The following AGAP1 variants were observed in gnomAD, a reference collection of about 807,000 sequenced individuals.
AGAP1 encodes ArfGAP with GTPase domain, ankyrin repeat and PH domain 1.
Under a neutral mutation model 105.3 loss-of-function variants are expected in AGAP1, and 29 were observed. That is an observed-to-expected ratio of 0.28 (90% CI 0.21 to 0.38). The LOEUF (loss-of-function observed/expected upper bound fraction) is 0.38, where lower values mean the gene tolerates loss of function less well. Among genes scored for constraint, AGAP1 ranks in the 10% least tolerant of loss-of-function variants. AGAP1 has a pLI of 1.00. For synonymous variants in AGAP1, 509 were observed against 485.9 expected (o/e 1.05, Z -0.63); for missense variants, 998 against 1,165.1 (o/e 0.86, Z 2.09).
At chr2:235,508,901 G>C (rs1941949097) in intron 1 of AGAP1, among the ~76,000 whole-genome samples, 1 of 152,242 alleles carries the variant, frequency 6.6e-6, no homozygotes, top group African/African-American at 2.4e-5. Flanking sequence ...ACAGAGGAAG[G>C]TGGCAGAGCC....
In AGAP1 at chr2:235,724,005, G is replaced by A. The variant is rs934688618; in HGVS notation, c.310+6361G>A. Among the ~76,000 whole-genome samples, 8 of 152,166 alleles carry A rather than the reference G, an allele frequency of 5.3e-5. No individual in the cohort carries two copies. Among genetic ancestry groups the A allele is most frequent in the Non-Finnish European group, 1.2e-4 (8 of 68,034 alleles). ...GCTGCCTGCGAGGGTCAGTGGTGTC[G>A]TAGCCTGCTGCCGCCACACAGAGGG... On this transcript the variant is annotated intron_variant, in intron 3 of 17. Transcript: ENST00000304032. The surrounding 1 kb of genome is among the most constrained non-coding windows in gnomAD (Gnocchi z 4.9).
At chr2:235,773,322 C>G (rs1453283853) in intron 6 of AGAP1, among the ~76,000 whole-genome samples, 1 of 152,204 alleles carries the variant, frequency 6.6e-6, no homozygotes, top group African/African-American at 2.4e-5. Context: ...AAAGGTTACA[C>G]TTCTATGCAA....
At chr2:235,717,015 C>G (rs1242296791) in intron 2 of AGAP1, among the ~76,000 whole-genome samples, 5 of 152,146 alleles carry the variant, frequency 3.3e-5, no homozygotes. Flanking sequence ...GTGTGCCCTC[C>G]TCGCCTGTGT....
In AGAP1 at chr2:235,600,632, C is replaced by G. The variant is rs935471125; in HGVS notation, c.163+105783C>G. Among the ~76,000 whole-genome samples the G allele has an allele frequency of 1.3e-5, 2 of 152,200 alleles. No individual in the cohort carries two copies. The highest frequency in any genetic ancestry group is 4.8e-5 in the African/African-American group (2 of 41,466). On this transcript the variant is annotated intron_variant, in intron 1 of 17. Coordinates refer to ENST00000304032, the MANE Select transcript of AGAP1 (RefSeq NM_001037131.3). This position sits in a 1 kb window ranked among gnomAD's most constrained non-coding sequence, Gnocchi z 4.8. ...GGCCGAAAGCTGAAGAACTTGGAGC[C>G]TGATGTTCGAGGGCAGGAAGCATCC...
rs868858600 is a variant in AGAP1, at chr2:235,759,359, C to T, written c.673+8871C>T. ...AATTTTTTTGTATTTTTAGTAGAGA[C>T]GGGCTTTCACCGTGTTAGCCAGGAT... On this transcript the variant is annotated intron_variant, in intron 6 of 17. Transcript: ENST00000304032. Among the ~76,000 whole-genome samples the T allele has an allele frequency of 2.5e-3, 377 of 151,158 alleles. 4 individuals are homozygous for T. The highest frequency in any genetic ancestry group is 8.0e-3 in the African/African-American group (329 of 41,230).
chr2:235,702,934 G>GTTTTTGTTTTTTTTTTTTTTT (rs1950326349), intron 1 of AGAP1, among the ~76,000 whole-genome samples: 2 of 88,946 alleles, frequency 2.2e-5, no homozygotes, highest in Admixed American at 1.5e-4. Context: ...AGTTTTCTTG[G>GTTTTTGTTTTTTTTTTTTTTT]TTTTTTTTTT....
rs77350724 is a variant in AGAP1, at chr2:235,689,436, T to C, written c.164-19743T>C. ...CACTGATTATGTTTCCATTACACCATAGAACATAACAATTTTGACTGCAGA... is the reference window on the plus strand; with the variant it reads ...CACTGATTATGTTTCCATTACACCACAGAACATAACAATTTTGACTGCAGA... On this transcript the variant is annotated intron_variant, in intron 1 of 17. Coordinates refer to ENST00000304032, the MANE Select transcript of AGAP1 (RefSeq NM_001037131.3). This position sits in a 1 kb window ranked among gnomAD's most constrained non-coding sequence, Gnocchi z 4.2. Among the ~76,000 whole-genome samples, 4,194 of 152,316 alleles carry C rather than the reference T, an allele frequency of 0.028. 195 individuals are homozygous for C. The highest frequency in any genetic ancestry group is 0.095 in the African/African-American group (3,965 of 41,554).
chr2:235,828,518 G>A (rs57731076), intron 9 of AGAP1, among the ~76,000 whole-genome samples: 23,773 of 152,132 alleles, frequency 0.16, 2,244 homozygotes, highest in South Asian at 0.26. Flanking sequence ...CACGAGTCAC[G>A]TTTGTTCTAT....
At chr2:235,923,670 G>A (rs753428888) in intron 11 of AGAP1, among the ~76,000 whole-genome samples, 6 of 152,324 alleles carry the variant, frequency 3.9e-5, no homozygotes, top group South Asian at 2.1e-4. Context: ...GTTGTGGCCC[G>A]TGTCAGTAGT....
At chr2:235,648,923 G>T (rs541694760) in intron 1 of AGAP1, among the ~76,000 whole-genome samples, 1 of 150,448 alleles carries the variant, frequency 6.6e-6, no homozygotes, top group Non-Finnish European at 1.5e-5. Context: ...ACCTCAGTTC[G>T]CAGGACTTCG....
At position 235,872,829 on chromosome 2, in the gene AGAP1, G is replaced by C. The variant is rs1053151791; in HGVS notation, c.1051-10516G>C. Among the ~76,000 whole-genome samples, 1 of 152,186 alleles carries C rather than the reference G, an allele frequency of 6.6e-6. No homozygotes were observed. The highest frequency in any genetic ancestry group is 1.5e-5 in the Non-Finnish European group (1 of 68,030). On this transcript the variant is annotated intron_variant, in intron 9 of 17. Transcript: ENST00000304032. The surrounding 1 kb of genome is among the most constrained non-coding windows in gnomAD (Gnocchi z 4.5). ...TGGGGGATGCTGAGTGTGTTCAGAG[G>C]GGCGTCCCATGGTCGAACTGGAACT...
intron 6 of AGAP1, among the ~76,000 whole-genome samples, chr2:235,797,334 C>T (rs563484009): frequency 3.3e-5 from 5 of 152,166 alleles, no homozygotes; most frequent in South Asian, 4.2e-4. Flanking sequence ...GTTGGGGGAC[C>T]GGCTCTATCT....
In AGAP1 at chr2:235,905,254, T is replaced by G. The variant is rs1223656981; in HGVS notation, c.1156-3484T>G. 1.3e-5 allele frequency among the ~76,000 whole-genome samples: 2 copies of G among 152,234 alleles called. No individual in the cohort carries two copies. The highest frequency in any genetic ancestry group is 2.1e-4 in the South Asian group (1 of 4,832). ...AGCAATAAATGCTCAATTACACTCC[T>G]GTTATTGTATTTTAATTTGTTAAGA... On this transcript the variant is annotated intron_variant, in intron 10 of 17. Coordinates refer to ENST00000304032, the MANE Select transcript of AGAP1 (RefSeq NM_001037131.3). This position sits in a 1 kb window ranked among gnomAD's most constrained non-coding sequence, Gnocchi z 4.2.
chr2:235,561,420 T>C (rs997095484), intron 1 of AGAP1, among the ~76,000 whole-genome samples: 8 of 152,188 alleles, frequency 5.3e-5, no homozygotes, highest in Non-Finnish European at 7.3e-5. Context: ...GTAGAATTTT[T>C]CTTTATTCCT....
chr2:236,014,979 A>G lies in AGAP1; in HGVS notation c.1646-21582A>G, dbSNP rs530466077. 3.9e-5 allele frequency: 12 copies of G among 309,562 alleles called. No homozygotes were observed. Among genetic ancestry groups the G allele is most frequent in the South Asian group, 2.4e-4 (9 of 36,892 alleles). The allele number at this position is 309,562 out of a possible 1,614,324, so 19.2% of individuals were successfully genotyped here. On this transcript the variant is annotated intron_variant, in intron 13 of 17. Coordinates refer to ENST00000304032, the MANE Select transcript of AGAP1 (RefSeq NM_001037131.3). This position sits in a 1 kb window ranked among gnomAD's most constrained non-coding sequence, Gnocchi z 6.3. ...TTTCCAACACAGGCATGGAAATGCA[A>G]TTTGCCCAAAGCCGCATGCTCCCTT...
intron 1 of AGAP1, among the ~76,000 whole-genome samples, chr2:235,581,495 T>C (rs963303283): frequency 4.0e-5 from 6 of 151,022 alleles, no homozygotes; most frequent in Non-Finnish European, 8.8e-5. Flanking sequence ...GGTGGAAATA[T>C]ATTCCAGGAG....
chr2:236,019,525 C>T (rs1433182331), intron 13 of AGAP1, among the ~76,000 whole-genome samples: 2 of 152,234 alleles, frequency 1.3e-5, no homozygotes, highest in East Asian at 1.9e-4. Flanking sequence ...GAGATCTTTT[C>T]CTCCTTGTTT....
intron 13 of AGAP1, among the ~76,000 whole-genome samples, chr2:236,033,091 C>G (rs2057275319): frequency 6.6e-6 from 1 of 151,936 alleles, no homozygotes; most frequent in Non-Finnish European, 1.5e-5. Flanking sequence ...ACTAAAAATA[C>G]AAAATTAGCC....
At chr2:235,702,308 G>A (rs773684141) in intron 1 of AGAP1, among the ~76,000 whole-genome samples, 11 of 152,300 alleles carry the variant, frequency 7.2e-5, no homozygotes, top group Admixed American at 1.3e-4. Context: ...TGAAGATGAG[G>A]TCCTGGCTCC....
Sources: allele counts gnomAD v4.1 joint callset (sites outside exome capture counted in the v4.1 genomes callset), GRCh38; gene constraint gnomAD v4.1.1; non-coding constraint Gnocchi (gnomAD v3.1); transcripts MANE v1.5; gene names NCBI Gene and HGNC (gene_info 2026-07-23, HGNC 2026-07-21).